Variants in FBXO36 observed in about 807,000 individuals in gnomAD.
FBXO36 encodes the protein F-box protein 36, also known as F-box only protein 36.
Under a neutral mutation model 17.0 loss-of-function variants are expected in FBXO36, and 18 were observed. That is an observed-to-expected ratio of 1.06 (90% CI 0.73 to 1.57). FBXO36 has a LOEUF of 1.57. Ranked by LOEUF, FBXO36 falls within the 40% of genes most tolerant of loss-of-function variation. FBXO36 has a pLI of 0.00. For synonymous variants in FBXO36, 83 were observed against 85.3 expected, an observed-to-expected ratio of 0.97 and a Z score of 0.15; for missense variants, 229 against 221.9, an observed-to-expected ratio of 1.03 and a Z score of -0.20.
intron 2 of FBXO36, chr2:229,977,319 T>A (rs1009338543): frequency 6.6e-6 from 1 of 151,308 alleles, no homozygotes; most frequent in Non-Finnish European, 1.5e-5. Flanking sequence ...CTGAGTTGGG[T>A]TTCAGTTTGC....
chr2:229,947,997 G>A (rs756511073), intron 1 of FBXO36, among the ~76,000 whole-genome samples: 1 of 152,156 alleles, frequency 6.6e-6, no homozygotes, highest in Non-Finnish European at 1.5e-5. Context: ...TAAGGACAGA[G>A]CTTCAACATT....
chr2:229,988,168 A>T (rs1425276178), intron 2 of FBXO36, among the ~76,000 whole-genome samples: 1 of 152,156 alleles, frequency 6.6e-6, no homozygotes, highest in Non-Finnish European at 1.5e-5. Flanking sequence ...CTTAATATTT[A>T]GCTAAATTAC....
chr2:229,973,680 C>G lies in FBXO36; in HGVS notation c.97-2561C>G, dbSNP rs553917932. ...AGGGTGCAGTGAGCTGAGATCGCAC[C>G]ACTGCACTCCAGCCTAGGGACAGAG... On this transcript the variant is annotated intron_variant, in intron 1 of 3. Transcript: ENST00000283946. Among the ~76,000 whole-genome samples the G allele has an allele frequency of 3.1e-4, 46 of 150,504 alleles. 1 individual carries two copies. In the South Asian group the frequency reaches 9.3e-3, roughly 30 times the overall value.
intron 3 of FBXO36, among the ~76,000 whole-genome samples, chr2:230,002,465 C>T (rs558538432): frequency 6.6e-6 from 1 of 151,892 alleles, no homozygotes; most frequent in African/African-American, 2.4e-5. Flanking sequence ...CTCACTGCAA[C>T]CTCCACCCCC....
intron 1 of FBXO36, among the ~76,000 whole-genome samples, chr2:229,962,430 A>C (rs2077127202): frequency 6.6e-6 from 1 of 151,820 alleles, no homozygotes; most frequent in Admixed American, 6.6e-5. Flanking sequence ...TCTTGGACTA[A>C]CGCAATCCTC....
intron 1 of FBXO36, among the ~76,000 whole-genome samples, chr2:229,970,618 A>G (rs1577347780): frequency 1.3e-5 from 2 of 152,128 alleles, no homozygotes; most frequent in East Asian, 3.8e-4. Context: ...GTTATCACCA[A>G]TGTTCTTGAT....
chr2:229,950,591 A>G (rs1023562155), intron 1 of FBXO36, among the ~76,000 whole-genome samples: 1 of 152,198 alleles, frequency 6.6e-6, no homozygotes, highest in Non-Finnish European at 1.5e-5. Context: ...CTAATTAGCT[A>G]TTATTCGCAA....
At chr2:229,990,513 AT>A (rs2077293013) in intron 2 of FBXO36, among the ~76,000 whole-genome samples, 1 of 152,142 alleles carries the variant, frequency 6.6e-6, no homozygotes, top group South Asian at 2.1e-4. Flanking sequence ...ATCTAAAAAA[AT>A]ACGTTAATAT....
At chr2:229,950,779 CAG>C (rs1232056024) in intron 1 of FBXO36, among the ~76,000 whole-genome samples, 7 of 122,998 alleles carry the variant, frequency 5.7e-5, no homozygotes, top group African/African-American at 2.2e-4. Context: ...TTTTTTGAGA[CAG>C]AGTCTCGTTC....
chr2:229,942,839 G>A (rs2077006874), intron 1 of FBXO36: 1 of 152,264 alleles, frequency 6.6e-6, no homozygotes, highest in Non-Finnish European at 1.5e-5. Context: ...CCACAGTCAA[G>A]CCGGTCTATT....
chr2:229,950,430 A>G (rs1305425135), intron 1 of FBXO36, among the ~76,000 whole-genome samples: 1 of 152,018 alleles, frequency 6.6e-6, no homozygotes, highest in Non-Finnish European at 1.5e-5. Flanking sequence ...CATCTCAAAA[A>G]TAAATAAATA....
At chr2:229,969,841 TAAAC>T (rs1239120985) in intron 1 of FBXO36, among the ~76,000 whole-genome samples, 9 of 152,278 alleles carry the variant, frequency 5.9e-5, no homozygotes, top group African/African-American at 1.2e-4. Context: ...TTACAATATA[TAAAC>T]AAACAATCTT....
chr2:229,975,425 A>T (rs978069786), intron 1 of FBXO36, among the ~76,000 whole-genome samples: 49 of 152,044 alleles, frequency 3.2e-4, no homozygotes, highest in African/African-American at 1.1e-3. Context: ...GGAAACAGAT[A>T]ACCATTTGGC....
At chr2:229,992,746 C>G (rs1245708582) in intron 2 of FBXO36, among the ~76,000 whole-genome samples, 2 of 152,160 alleles carry the variant, frequency 1.3e-5, no homozygotes, top group Admixed American at 6.6e-5. Context: ...TTCCAGTGGA[C>G]CAGAAATTTG....
chr2:229,983,380 A>C (rs1560449943), intron 2 of FBXO36, among the ~76,000 whole-genome samples: 1 of 151,808 alleles, frequency 6.6e-6, no homozygotes, highest in African/African-American at 2.4e-5. Flanking sequence ...CATCTCAAAA[A>C]AAAAACAAAA....
chr2:229,954,233 GATTTTTTT>G (rs1216118400), intron 1 of FBXO36, among the ~76,000 whole-genome samples: 1 of 33,122 alleles, frequency 3.0e-5, no homozygotes, highest in Non-Finnish European at 6.9e-5. Context: ...AAACCCTTTG[GATTTTTTT>G]TTTTTTTTTT....
chr2:229,944,320 T>G (rs1168807658), intron 1 of FBXO36, among the ~76,000 whole-genome samples: 3 of 152,212 alleles, frequency 2.0e-5, no homozygotes, highest in Non-Finnish European at 4.4e-5. Flanking sequence ...GAGATTTGTG[T>G]AGACAGCCTA....
In FBXO36 at chr2:229,922,620, G is replaced by T; in HGVS notation, c.96+11G>T. Reference sequence around the variant, plus strand: ...GTCACCCGGTCTCAGGCAAGTGCGAGCCGCGGTTTACCCTCTCTCCTAACT... The same window carrying T: ...GTCACCCGGTCTCAGGCAAGTGCGATCCGCGGTTTACCCTCTCTCCTAACT... On this transcript the variant is annotated intron_variant, in intron 1 of 3. Coordinates refer to ENST00000283946, the MANE Select transcript of FBXO36 (RefSeq NM_174899.5). 6 of 1,613,706 alleles carry T rather than the reference G, an allele frequency of 3.7e-6. No homozygotes were observed. Among genetic ancestry groups the T allele is most frequent in the Non-Finnish European group, 5.1e-6 (6 of 1,179,786 alleles).
chr2:229,978,661 A>G (rs552112070), intron 2 of FBXO36, among the ~76,000 whole-genome samples: 1 of 152,274 alleles, frequency 6.6e-6, no homozygotes, highest in African/African-American at 2.4e-5. Context: ...TATAGTTAAC[A>G]ATGTTATTTC....
Sources: allele counts gnomAD v4.1 joint callset (sites outside exome capture counted in the v4.1 genomes callset), GRCh38; gene constraint gnomAD v4.1.1; transcripts MANE v1.5; gene names NCBI Gene and HGNC (gene_info 2026-07-23, HGNC 2026-07-21).